The following SGCZ variants were observed in gnomAD, a reference collection of about 807,000 sequenced individuals.
SGCZ encodes the protein sarcoglycan zeta.
Under a neutral mutation model 41.3 loss-of-function variants are expected in SGCZ, and 40 were observed. The ratio of observed to expected loss-of-function variants is 0.97; its 90% CI spans 0.75 to 1.26. The LOEUF (loss-of-function observed/expected upper bound fraction) is 1.26, where lower values mean the gene tolerates loss of function less well. Among genes scored for constraint, SGCZ ranks in the 50% most tolerant of loss-of-function variants. SGCZ has a pLI of 0.00. For synonymous variants in SGCZ, 206 were observed against 137.5 expected, an observed-to-expected ratio of 1.50 and a Z score of -3.49; for missense variants, 552 against 369.8, an observed-to-expected ratio of 1.49 and a Z score of -4.04.
intron 4 of SGCZ, among the ~76,000 whole-genome samples, chr8:14,186,524 G>A (rs1016048781): frequency 6.6e-6 from 1 of 152,160 alleles, no homozygotes; most frequent in Non-Finnish European, 1.5e-5. Context: ...GGCCACGATA[G>A]GCTAGACAAG....
intron 1 of SGCZ, among the ~76,000 whole-genome samples, chr8:14,854,146 T>C (rs903385676): frequency 1.3e-5 from 2 of 150,216 alleles, no homozygotes; most frequent in African/African-American, 4.9e-5. Flanking sequence ...TTGAAATACA[T>C]TATTGTTATT....
At chr8:15,126,124 CA>C (rs1225804283) in intron 1 of SGCZ, among the ~76,000 whole-genome samples, 2 of 152,114 alleles carry the variant, frequency 1.3e-5, no homozygotes, top group Non-Finnish European at 2.9e-5. Context: ...CCAGCCTGGG[CA>C]ACAGAGGGAG....
chr8:14,471,013 A>G (rs4831597), intron 2 of SGCZ, among the ~76,000 whole-genome samples: 66,738 of 152,020 alleles, frequency 0.44, 16,336 homozygotes, highest in African/African-American at 0.67. Flanking sequence ...AGTGCCATCA[A>G]GAAAACCTGC....
chr8:14,611,115 A>G (rs1336294044), intron 1 of SGCZ, among the ~76,000 whole-genome samples: 1 of 152,218 alleles, frequency 6.6e-6, no homozygotes, highest in Non-Finnish European at 1.5e-5. Context: ...AGAATTATCT[A>G]AAATGTCTAT....
At chr8:14,649,277 C>G (rs1807321765) in intron 1 of SGCZ, among the ~76,000 whole-genome samples, 2 of 151,264 alleles carry the variant, frequency 1.3e-5, no homozygotes, top group Admixed American at 1.3e-4. Flanking sequence ...GAAATACGCT[C>G]ACTGTGTGCA....
At chr8:14,888,315 A>G (rs1038905004) in intron 1 of SGCZ, among the ~76,000 whole-genome samples, 8 of 152,142 alleles carry the variant, frequency 5.3e-5, no homozygotes, top group African/African-American at 1.9e-4. Context: ...TCTGTTGCCA[A>G]CCATGATTTC....
intron 1 of SGCZ, among the ~76,000 whole-genome samples, chr8:14,987,674 G>A (rs1363367347): frequency 2.0e-5 from 3 of 151,940 alleles, no homozygotes; most frequent in East Asian, 3.9e-4. Context: ...TTGATCCTGG[G>A]CATCTTTACT....
At chr8:14,601,105 G>C (rs868158506) in intron 1 of SGCZ, among the ~76,000 whole-genome samples, 1 of 150,904 alleles carries the variant, frequency 6.6e-6, no homozygotes, top group Non-Finnish European at 1.5e-5. Context: ...TGATCATACT[G>C]TATATATCCC....
intron 1 of SGCZ, among the ~76,000 whole-genome samples, chr8:14,991,907 A>C (rs1170795676): frequency 3.1e-4 from 44 of 140,318 alleles, no homozygotes; most frequent in South Asian, 2.3e-4. Context: ...ACTCCCAAAT[A>C]TACTCCCAAA....
chr8:14,998,421 T>C (rs1399804223), intron 1 of SGCZ, among the ~76,000 whole-genome samples: 4 of 152,192 alleles, frequency 2.6e-5, no homozygotes, highest in Non-Finnish European at 5.9e-5. Flanking sequence ...ATTTGTTACA[T>C]AAGGAGCGTG....
intron 2 of SGCZ, among the ~76,000 whole-genome samples, chr8:14,400,415 T>A (rs190993562): frequency 2.0e-3 from 298 of 152,192 alleles, no homozygotes; most frequent in African/African-American, 6.5e-3. Context: ...TTGCTACCAC[T>A]TTTGACTATA....
intron 1 of SGCZ, among the ~76,000 whole-genome samples, chr8:15,137,975 C>G (rs1410209932): frequency 1.3e-5 from 2 of 152,114 alleles, no homozygotes; most frequent in African/African-American, 4.8e-5. Context: ...CACAGACGCT[C>G]AAAGCCAGCC....
intron 1 of SGCZ, among the ~76,000 whole-genome samples, chr8:14,937,824 A>T (rs1800132899): frequency 6.6e-6 from 1 of 152,122 alleles, no homozygotes; most frequent in African/African-American, 2.4e-5. Context: ...AATGAATGAA[A>T]TATATGTTGA....
intron 1 of SGCZ, among the ~76,000 whole-genome samples, chr8:14,577,315 T>C (rs562732678): frequency 6.6e-6 from 1 of 151,968 alleles, no homozygotes; most frequent in African/African-American, 2.4e-5. Context: ...ATCTGACAGA[T>C]CTTCAACATT....
intron 4 of SGCZ, among the ~76,000 whole-genome samples, chr8:14,210,306 G>T (rs1025456543): frequency 2.6e-5 from 4 of 152,080 alleles, no homozygotes; most frequent in Admixed American, 6.6e-5. Context: ...TGATCCACCT[G>T]CCTCGGCCTC....
chr8:15,104,286 G>A (rs974704339), intron 1 of SGCZ, among the ~76,000 whole-genome samples: 6 of 152,120 alleles, frequency 3.9e-5, no homozygotes, highest in Non-Finnish European at 8.8e-5. Flanking sequence ...TCTTATACAG[G>A]AGACAATTGA....
chr8:14,252,638 C>T (rs917794350), intron 3 of SGCZ, among the ~76,000 whole-genome samples: 1 of 152,044 alleles, frequency 6.6e-6, no homozygotes, highest in East Asian at 1.9e-4. Context: ...CCTGCTAAGT[C>T]CTAGAGATGA....
intron 1 of SGCZ, among the ~76,000 whole-genome samples, chr8:15,226,485 C>A (rs1000940007): frequency 6.6e-6 from 1 of 152,180 alleles, no homozygotes; most frequent in African/African-American, 2.4e-5. Flanking sequence ...TCATCAGCAG[C>A]AGCTACTATG....
chr8:14,238,038 TTTTAAG>T (rs1490495431), intron 3 of SGCZ, among the ~76,000 whole-genome samples: 1 of 152,220 alleles, frequency 6.6e-6, no homozygotes, highest in Non-Finnish European at 1.5e-5. Context: ...AAAAGTCCCT[TTTTAAG>T]TTTAAGTTGC....
Sources: gnomAD v4.1 joint callset for allele counts (sites outside exome capture counted in the v4.1 genomes callset) on GRCh38, gnomAD v4.1.1 for gene constraint, MANE v1.5 for transcripts, NCBI Gene and HGNC (gene_info 2026-07-23, HGNC 2026-07-21) for gene names.